The following SMAD7 variants were observed in gnomAD, a reference collection of about 807,000 sequenced individuals.
SMAD7 encodes the protein SMAD family member 7, also known as MAD (mothers against decapentaplegic, Drosophila) homolog 7.
A neutral mutation model predicts 38.7 loss-of-function variants in SMAD7; 8 were observed. The ratio of observed to expected loss-of-function variants is 0.21; its 90% CI spans 0.12 to 0.37. The LOEUF (loss-of-function observed/expected upper bound fraction) is 0.37, where lower values mean the gene tolerates loss of function less well. SMAD7 is among the 10% of genes least tolerant of loss of function. The pLI is 1.00. For synonymous variants in SMAD7, 327 were observed against 265.1 expected (o/e 1.23, Z -2.27); for missense variants, 477 against 577.9 (o/e 0.83, Z 1.79).
chr18:48,920,074 CTT>C lies in SMAD7; in HGVS notation c.*1296_*1297del, dbSNP rs1426517067. On this transcript the variant is annotated 3_prime_UTR_variant, in exon 4 of 4. Coordinates refer to ENST00000262158, the MANE Select transcript of SMAD7 (RefSeq NM_005904.4). ...ATAAATAATGATGCTTATAAAACGT[CTT>C]TATATTTACAAGTAATAATATATTT... 2 of 152,324 alleles carry C rather than the reference CTT, an allele frequency of 1.3e-5. No individual in the cohort carries two copies. The highest frequency in any genetic ancestry group is 2.1e-4 in the South Asian group (1 of 4,814). 9.4% of individuals were successfully genotyped at this position (152,324 alleles called of 1,614,324 possible). A position where few individuals can be genotyped will look rare whatever the true frequency, so the allele number is the denominator to read the frequency against.
chr18:48,927,220 G>T (rs2069939106), intron 3 of SMAD7, among the ~76,000 whole-genome samples: 2 of 152,078 alleles, frequency 1.3e-5, no homozygotes, highest in South Asian at 4.1e-4. Flanking sequence ...AAAACACTGG[G>T]GCCCAACCCA....
intron 3 of SMAD7, among the ~76,000 whole-genome samples, chr18:48,923,077 G>A (rs759285842): frequency 2.9e-4 from 44 of 152,216 alleles, no homozygotes; most frequent in Non-Finnish European, 4.9e-4. Context: ...CTGCAGGAAC[G>A]CTGTGGTTTG....
At chr18:48,924,676 C>T (rs552648887) in intron 3 of SMAD7, among the ~76,000 whole-genome samples, 2 of 152,122 alleles carry the variant, frequency 1.3e-5, no homozygotes, top group African/African-American at 2.4e-5. Flanking sequence ...CCTAACCCAC[C>T]GCAGGGAGAC....
intron 2 of SMAD7, among the ~76,000 whole-genome samples, chr18:48,944,272 C>A (rs994236279): frequency 1.3e-5 from 2 of 152,200 alleles, no homozygotes; most frequent in Non-Finnish European, 2.9e-5. Flanking sequence ...CAGCCACTCC[C>A]CGCCACCTTT....
intron 2 of SMAD7, among the ~76,000 whole-genome samples, chr18:48,943,416 A>T (rs922312888): frequency 6.6e-6 from 1 of 152,216 alleles, no homozygotes. Context: ...CCTCACCGTT[A>T]ATGAGGATAA....
At chr18:48,931,860 T>C (rs988099265) in intron 3 of SMAD7, among the ~76,000 whole-genome samples, 5 of 152,092 alleles carry the variant, frequency 3.3e-5, no homozygotes, top group East Asian at 3.9e-4. Context: ...GGCCCCGACA[T>C]TGTAATTCTC....
intron 2 of SMAD7, 122 bp from the exon 3 acceptor site, chr18:48,942,677 G>A (rs766375969): frequency 2.2e-5 from 34 of 1,566,972 alleles, no homozygotes; most frequent in East Asian, 1.4e-4. Flanking sequence ...GCTGACTCGC[G>A]GCCTTGATGC....
intron 3 of SMAD7, among the ~76,000 whole-genome samples, chr18:48,934,198 A>G (rs1449241160): frequency 6.6e-6 from 1 of 152,178 alleles, no homozygotes; most frequent in Non-Finnish European, 1.5e-5. Context: ...TCCAAAGCAC[A>G]GCACCGTTAC....
intron 2 of SMAD7, among the ~76,000 whole-genome samples, chr18:48,946,194 A>G (rs1345189609): frequency 6.6e-6 from 1 of 152,160 alleles, no homozygotes. Flanking sequence ...TTAAGATTTT[A>G]ACAGTTGTCC....
At chr18:48,928,435 T>A (rs1445941834) in intron 3 of SMAD7, among the ~76,000 whole-genome samples, 1 of 151,606 alleles carries the variant, frequency 6.6e-6, no homozygotes, top group African/African-American at 2.4e-5. Flanking sequence ...GCTGTGTCCA[T>A]CTCTAAACCA....
chr18:48,950,395 G>C lies in SMAD7; in HGVS notation c.30C>G (p.Val10=). The C allele has an allele frequency of 6.5e-7, 1 of 1,547,904 alleles. No individual in the cohort carries two copies. Among genetic ancestry groups the C allele is most frequent in the Non-Finnish European group, 8.7e-7 (1 of 1,148,188 alleles). MFRTKRSAL[V]RRLWRSRAPG... Reference sequence around the variant, plus strand: ...GCGCACGGCTCCTCCAGAGACGCCGGACGAGCGCAGATCGTTTGGTCCTGA... The same window carrying C: ...GCGCACGGCTCCTCCAGAGACGCCGCACGAGCGCAGATCGTTTGGTCCTGA... Residue 10 remains valine, a synonymous_variant, in exon 1 of 4, where the codon GTC becomes GTG. Coordinates refer to ENST00000262158, the MANE Select transcript of SMAD7 (RefSeq NM_005904.4).
rs1224993808 is a variant in SMAD7 at position 48,950,312 on chromosome 18, C to T, written c.113G>A (p.Arg38Gln). Reference protein sequence around the residue: ...AGGGGGGGELRGEGATDSRAH... With the variant: ...AGGGGGGGELQGEGATDSRAH... Reference sequence around the variant, plus strand: ...TCGGCTGTCCGTCGCCCCTTCTCCCCGCAGCTCGCCTCCTCCTCCACCTCC... The same window carrying T: ...TCGGCTGTCCGTCGCCCCTTCTCCCTGCAGCTCGCCTCCTCCTCCACCTCC... The change falls in exon 1 of 4, where the codon CGG (arginine) becomes CAG (glutamine). Residue 38 changes from arginine (R) to glutamine (Q), a missense_variant. Around this residue, in one of 2 missense-constraint regions of SMAD7, gnomAD observed 376 missense variants for 379.4 expected, o/e 0.99. Transcript: ENST00000262158. 1.7e-5 allele frequency: 26 copies of T among 1,534,896 alleles called. No individual in the cohort carries two copies. Among genetic ancestry groups the T allele is most frequent in the Non-Finnish European group, 1.8e-5 (21 of 1,141,174 alleles).
intron 2 of SMAD7, among the ~76,000 whole-genome samples, chr18:48,946,454 G>C (rs2070196974): frequency 6.6e-6 from 1 of 151,430 alleles, no homozygotes; most frequent in African/African-American, 2.4e-5. Flanking sequence ...TCCAGCTCCA[G>C]ACCTGGCTGT....
At position 48,929,569 on chromosome 18, in the gene SMAD7, T is replaced by TCACACA. The variant is rs1555716118; in HGVS notation, c.743-7660_743-7659insTGTGTG. Among the ~76,000 whole-genome samples the TCACACA allele has an allele frequency of 4.7e-4, 54 of 114,622 alleles. 1 individual carries two copies. Among genetic ancestry groups the TCACACA allele is most frequent in the African/African-American group, 1.5e-3 (42 of 28,958 alleles). The allele number at this position is 114,622 out of a possible 152,430, so 75.2% of individuals were successfully genotyped here. On this transcript the variant is annotated intron_variant, in intron 3 of 3. Coordinates refer to ENST00000262158, the MANE Select transcript of SMAD7 (RefSeq NM_005904.4). Reference sequence around the variant, plus strand: ...CTCTCTTTCTCTCTCTCTCTCTCTCTCACTCACACACACACACACACACAC... The same window carrying TCACACA: ...CTCTCTTTCTCTCTCTCTCTCTCTCTCACACACACTCACACACACACACACACACAC...
At chr18:48,945,042 C>T (rs919118758) in intron 2 of SMAD7, among the ~76,000 whole-genome samples, 1 of 152,194 alleles carries the variant, frequency 6.6e-6, no homozygotes, top group African/African-American at 2.4e-5. Flanking sequence ...TCAGCAACTG[C>T]GTTCTGAGCT....
rs1045060980 is a variant in SMAD7, at chr18:48,926,610, G to A, written c.743-4700C>T. The stretch of plus-strand genomic sequence containing the variant: ...TGGGCAGGCACGGCCGCCTCCTGCA[G>A]GCTCCCTGTGCCAATCAGGGGCAAA... On this transcript the variant is annotated intron_variant, in intron 3 of 3. Transcript: ENST00000262158. Among the ~76,000 whole-genome samples, 10 of 152,262 alleles carry A rather than the reference G, an allele frequency of 6.6e-5. No individual in the cohort carries two copies. The East Asian group carries it at 1.9e-3, about 29-fold the overall frequency.
At chr18:48,936,214 A>G (rs1337285772) in intron 3 of SMAD7, among the ~76,000 whole-genome samples, 1 of 151,914 alleles carries the variant, frequency 6.6e-6, no homozygotes, top group Non-Finnish European at 1.5e-5. Context: ...CACCAAAACA[A>G]GTGTCTACCA....
chr18:48,942,857 G>T, intron 2 of SMAD7: 1 of 1,104,612 alleles, frequency 9.1e-7, no homozygotes, highest in Non-Finnish European at 1.1e-6. Context: ...ATACCAGGTG[G>T]TTCCCAAGGT....
At chr18:48,938,056 C>A (rs1055938868) in intron 3 of SMAD7, among the ~76,000 whole-genome samples, 1 of 152,216 alleles carries the variant, frequency 6.6e-6, no homozygotes. Context: ...TGTTCACGTG[C>A]AGCTGATTAA....
Sources: gnomAD v4.1 joint callset for allele counts (sites outside exome capture counted in the v4.1 genomes callset) on GRCh38, gnomAD v4.1.1 for gene constraint, gnomAD v4.1.1 regional missense constraint, MANE v1.5 for transcripts, NCBI Gene and HGNC (gene_info 2026-07-23, HGNC 2026-07-21) for gene names.